DYSF: variants seen among roughly 807,000 people sequenced by gnomAD.
The protein encoded by DYSF is dystrophy-associated fer-1-like 1.
DYSF carries 212 observed loss-of-function variants against 274.9 expected under a neutral mutation model. That is an observed-to-expected ratio of 0.77 (90% CI 0.69 to 0.86). The LOEUF (loss-of-function observed/expected upper bound fraction) is 0.86, where lower values mean the gene tolerates loss of function less well. Among genes scored for constraint, DYSF ranks in the 40% least tolerant of loss-of-function variants. DYSF has a pLI of 0.00. For missense variants in DYSF, 2,666 were observed against 2,783.2 expected (o/e 0.96, Z 0.95); for synonymous variants, 1,091 against 1,078.7 (o/e 1.01, Z -0.22).
In DYSF at chr2:71,652,941, A is replaced by T. The variant is rs142138069; in HGVS notation, c.4627-3221A>T. Among the ~76,000 whole-genome samples, 39 of 152,338 alleles carry T rather than the reference A, an allele frequency of 2.6e-4. 1 individual carries two copies. The East Asian group carries it at 7.5e-3, about 29-fold the overall frequency. Reference sequence around the variant, plus strand: ...TAACCATTTAGCAAAAAATAAATTAAATTCTTGCCTCACGCTGGGTACCAA... The same window carrying T: ...TAACCATTTAGCAAAAAATAAATTATATTCTTGCCTCACGCTGGGTACCAA... On this transcript the variant is annotated intron_variant, in intron 42 of 55. Coordinates refer to ENST00000410020, the MANE Select transcript of DYSF (RefSeq NM_001130987.2).
intron 32 of DYSF, among the ~76,000 whole-genome samples, chr2:71,595,983 AC>A (rs1227039991): frequency 2.2e-5 from 3 of 137,064 alleles, no homozygotes; most frequent in African/African-American, 8.3e-5. Flanking sequence ...CTCTAGCAAC[AC>A]CCCTACTCCC....
At position 71,531,249 on chromosome 2, in the gene DYSF, C is replaced by T. The variant is rs539269222; in HGVS notation, c.1380+2848C>T. Among the ~76,000 whole-genome samples the T allele has an allele frequency of 1.5e-4, 23 of 152,148 alleles. No homozygotes were observed. The East Asian group carries it at 4.3e-3, about 28-fold the overall frequency. On this transcript the variant is annotated intron_variant, in intron 14 of 55. Transcript: ENST00000410020. Reference sequence around the variant, plus strand: ...TGTATTACCTACCCTGTTACCTCCCCTCTTCCCACTTGCTGGGAAAAAATC... The same window carrying T: ...TGTATTACCTACCCTGTTACCTCCCTTCTTCCCACTTGCTGGGAAAAAATC...
intron 41 of DYSF, among the ~76,000 whole-genome samples, chr2:71,634,434 G>GT (rs780736893): frequency 3.9e-5 from 6 of 152,258 alleles, no homozygotes; most frequent in South Asian, 4.1e-4. Flanking sequence ...TAGCTGTCCT[G>GT]TTTTTTGTGG....
intron 41 of DYSF, among the ~76,000 whole-genome samples, chr2:71,627,761 C>A (rs1044500784): frequency 2.0e-5 from 3 of 152,054 alleles, no homozygotes; most frequent in Admixed American, 1.3e-4. Context: ...TTTTCTCTCT[C>A]TATAGAGAAT....
At chr2:71,565,501 G>A (rs538378866) in intron 24 of DYSF, among the ~76,000 whole-genome samples, 4 of 152,104 alleles carry the variant, frequency 2.6e-5, no homozygotes, top group African/African-American at 9.6e-5. Context: ...GCCCCTCCAC[G>A]CTGGACCTTC....
In DYSF at chr2:71,686,606, C is replaced by A; in HGVS notation, c.*114C>A. On this transcript the variant is annotated 3_prime_UTR_variant, in exon 56 of 56. Transcript: ENST00000410020. ...AGACCTCCTAGGCCTGATTGTCCTG[C>A]CAGGGTGGGCAGACAGACAGATGGA... 1 of 1,283,562 alleles carries A rather than the reference C, an allele frequency of 7.8e-7. No homozygotes were observed. Among genetic ancestry groups the A allele is most frequent in the Non-Finnish European group, 1.1e-6 (1 of 888,928 alleles). 79.5% of individuals were successfully genotyped at this position (1,283,562 alleles called of 1,614,324 possible). A position where few individuals can be genotyped will look rare whatever the true frequency, so the allele number is the denominator to read the frequency against.
At chr2:71,586,843 GC>G (rs1176520651) in intron 30 of DYSF, among the ~76,000 whole-genome samples, 1 of 152,054 alleles carries the variant, frequency 6.6e-6, no homozygotes, top group Non-Finnish European at 1.5e-5. Flanking sequence ...GCTCACCCTA[GC>G]CCCCTACCTG....
chr2:71,562,339 A>G (rs2091830262), intron 23 of DYSF, among the ~76,000 whole-genome samples: 1 of 151,956 alleles, frequency 6.6e-6, no homozygotes, highest in Non-Finnish European at 1.5e-5. Flanking sequence ...CCTGGCCAAC[A>G]ACCTGCCCTG....
intron 16 of DYSF, among the ~76,000 whole-genome samples, chr2:71,538,666 G>A (rs532518446): frequency 4.8e-4 from 73 of 152,334 alleles, no homozygotes; most frequent in African/African-American, 1.6e-3. Context: ...AAAAGGAATC[G>A]TGTATTACCA....
chr2:71,579,382 TG>T (rs1377981804), intron 30 of DYSF, among the ~76,000 whole-genome samples: 2 of 152,204 alleles, frequency 1.3e-5, no homozygotes, highest in Non-Finnish European at 2.9e-5. Flanking sequence ...TGGAGATTTT[TG>T]CTGCTGGAAG....
At position 71,564,229 on chromosome 2, in the gene DYSF, T is replaced by TC. The variant is rs1160697607; in HGVS notation, c.2565+19dup. 9 of 1,614,240 alleles carry TC rather than the reference T, an allele frequency of 5.6e-6. No individual in the cohort carries two copies. The South Asian group carries it at 8.8e-5, about 16-fold the overall frequency. ...CTTTCTGAAAGTGAGTTTTCTTTTT[T>TC]CCCAAGTCATGATCGTATTTTTCCC... On this transcript the variant is annotated intron_variant, in intron 24 of 55. Transcript: ENST00000410020.
intron 30 of DYSF, among the ~76,000 whole-genome samples, chr2:71,586,752 G>C (rs975265105): frequency 2.0e-5 from 3 of 152,070 alleles, no homozygotes; most frequent in Non-Finnish European, 4.4e-5. Flanking sequence ...GCAGCCATCC[G>C]CGAGCAGGGA....
chr2:71,550,702 G>C (rs1175174725), intron 17 of DYSF, among the ~76,000 whole-genome samples: 1 of 152,200 alleles, frequency 6.6e-6, no homozygotes, highest in African/African-American at 2.4e-5. Flanking sequence ...TTTGTGTGCT[G>C]GCTGAGTGCA....
chr2:71,649,153 A>AAAAAAAAAG (rs2094613704), intron 42 of DYSF, among the ~76,000 whole-genome samples: 1 of 151,192 alleles, frequency 6.6e-6, no homozygotes. Context: ...AAAAAAAAAA[A>AAAAAAAAAG]AAAAAGTGAA....
intron 9 of DYSF, 86 bp downstream of exon 9, chr2:71,516,328 G>GCACACA: frequency 5.3e-6 from 7 of 1,321,466 alleles, no homozygotes; most frequent in Non-Finnish European, 7.6e-6. Flanking sequence ...TTGTGCACGT[G>GCACACA]TGTGCATGTG....
At chr2:71,526,415 C>CT in intron 13 of DYSF, 69 bp downstream of exon 13, 3 of 411,244 alleles carry the variant, frequency 7.3e-6, no homozygotes, top group Non-Finnish European at 1.2e-5. Flanking sequence ...TGGGGGTGGG[C>CT]GATGGCGGGC....
intron 36 of DYSF, 98 bp from the exon 37 acceptor site, chr2:71,611,147 C>A: frequency 1.1e-6 from 1 of 909,890 alleles, no homozygotes; most frequent in Non-Finnish European, 1.8e-6. Context: ...TCTCCCTGCA[C>A]TTGGCATTTC....
At chr2:71,453,895 C>T in exon 1 of DYSF, 1 of 1,166,464 alleles carries the variant, frequency 8.6e-7, no homozygotes, top group South Asian at 1.3e-5. Flanking sequence ...CCTCGCCCAG[C>T]CAGCCCTCTC....
chr2:71,520,795 C>T lies in DYSF; in HGVS notation c.1040C>T (p.Ala347Val). The change falls in exon 12 of 56, where the codon GCC (alanine) becomes GTC (valine). Residue 347 changes from alanine to valine, a missense_variant. By Grantham distance (64) the Ala-to-Val change is moderately conservative (BLOSUM62 0). Around this residue, in one of 3 missense-constraint regions of DYSF, gnomAD observed 794 missense variants for 777.1 expected, o/e 1.02. Coordinates refer to ENST00000410020, the MANE Select transcript of DYSF (RefSeq NM_001130987.2). ...VGTIYREPRH[A>V]YLRKWLLLSD... ...AGGATGTTGTCTCTCTTAGGGCACG[C>T]CTATCTCAGGAAGTGGCTGCTGCTC... is the stretch of plus-strand genomic sequence containing the variant. The T allele has an allele frequency of 6.2e-7, 1 of 1,613,960 alleles. No homozygotes were observed.
Sources: allele counts gnomAD v4.1 joint callset (sites outside exome capture counted in the v4.1 genomes callset), GRCh38; gene constraint gnomAD v4.1.1; regional missense constraint gnomAD v4.1.1; transcripts MANE v1.5; gene names NCBI Gene and HGNC (gene_info 2026-07-23, HGNC 2026-07-21).